CNTNAP4: variants seen among roughly 807,000 people sequenced by gnomAD.
The protein encoded by CNTNAP4 is contactin-associated protein-like 4.
CNTNAP4 carries 98 observed loss-of-function variants against 148.4 expected under a neutral mutation model. The observed-to-expected ratio is 0.66, with a 90% CI of 0.56 to 0.78. The LOEUF (loss-of-function observed/expected upper bound fraction) is 0.78, where lower values mean the gene tolerates loss of function less well. CNTNAP4 is among the 30% of genes least tolerant of loss of function. CNTNAP4 has a pLI of 0.00. For missense variants in CNTNAP4, 1,935 were observed against 1,565.6 expected (o/e 1.24, Z -3.98); for synonymous variants, 730 against 565.1 (o/e 1.29, Z -4.14).
At chr16:76,384,150 T>C (rs938341038) in intron 3 of CNTNAP4, among the ~76,000 whole-genome samples, 3 of 152,026 alleles carry the variant, frequency 2.0e-5, no homozygotes, top group Non-Finnish European at 2.9e-5. Flanking sequence ...TTCAAGTGAT[T>C]CTCCTGCCTC....
In CNTNAP4 at chr16:76,277,585, G is replaced by A. The variant is rs1958523455; in HGVS notation, c.-78G>A. 1 of 929,888 alleles carries A rather than the reference G, an allele frequency of 1.1e-6. No individual in the cohort carries two copies. Among genetic ancestry groups the A allele is most frequent in the Non-Finnish European group, 1.7e-6 (1 of 584,808 alleles). The allele number at this position is 929,888 out of a possible 1,614,324, so 57.6% of individuals were successfully genotyped here. On this transcript the variant is annotated 5_prime_UTR_variant, in exon 1 of 24. Coordinates refer to ENST00000611870, the MANE Select transcript of CNTNAP4 (RefSeq NM_033401.5). ...AGGGGCTGAAGACCCAGACAGAGCT[G>A]GCAGAGCTACTGAGAAGAGGACTGG...
intron 1 of CNTNAP4, among the ~76,000 whole-genome samples, chr16:76,310,859 A>G (rs1961023314): frequency 6.6e-6 from 1 of 152,074 alleles, no homozygotes; most frequent in South Asian, 2.1e-4. Context: ...GTACTGGTTC[A>G]GAATAGAAGA....
intron 15 of CNTNAP4, among the ~76,000 whole-genome samples, chr16:76,513,151 A>T (rs145821312): frequency 8.5e-5 from 13 of 152,288 alleles, no homozygotes; most frequent in African/African-American, 3.1e-4. Context: ...TGCATTGTGG[A>T]CGGTTAATTC....
rs76311865 is a variant in CNTNAP4, at chr16:76,421,984, C to T, written c.391-5468C>T. 9.0e-3 allele frequency among the ~76,000 whole-genome samples: 1,372 copies of T among 152,268 alleles called. 24 individuals carry two copies. Among genetic ancestry groups the T allele is most frequent in the African/African-American group, 0.031 (1,309 of 41,578 alleles). On this transcript the variant is annotated intron_variant, in intron 3 of 23. Transcript: ENST00000611870. The stretch of plus-strand genomic sequence containing the variant: ...TGCCATATGGGCATCTCCCTTTATA[C>T]TTCTTGGCTTTTATACGTGAGTTGC...
At chr16:76,359,283 G>A (rs539597581) in intron 3 of CNTNAP4, among the ~76,000 whole-genome samples, 1 of 152,230 alleles carries the variant, frequency 6.6e-6, no homozygotes, top group East Asian at 1.9e-4. Context: ...TCCACATGAT[G>A]CAAATAAGTC....
At chr16:76,334,313 A>G (rs1370555653) in intron 2 of CNTNAP4, among the ~76,000 whole-genome samples, 1 of 152,122 alleles carries the variant, frequency 6.6e-6, no homozygotes, top group African/African-American at 2.4e-5. Flanking sequence ...AAAAAAAGCC[A>G]AAATGAAACA....
chr16:76,512,717 A>C (rs998318267), intron 15 of CNTNAP4, among the ~76,000 whole-genome samples: 4 of 152,126 alleles, frequency 2.6e-5, no homozygotes, highest in African/African-American at 9.7e-5. Context: ...AAATAACAAC[A>C]GGGCTTTGGG....
Position 76,508,749 on chromosome 16 carries a change from A to G in CNTNAP4, c.2365+10055A>G, listed in dbSNP as rs1451245264. Among the ~76,000 whole-genome samples, 2 of 72,218 alleles carry G rather than the reference A, an allele frequency of 2.8e-5. 1 individual carries two copies. Among genetic ancestry groups the G allele is most frequent in the Non-Finnish European group, 8.2e-5 (2 of 24,464 alleles). The allele number at this position is 72,218 out of a possible 152,430, so 47.4% of individuals were successfully genotyped here. ...TTAATGACTGACTTGATACAAAATCATAACTTTTTTTTTTTTTTTTTGAGA... is the reference window on the plus strand; with the variant it reads ...TTAATGACTGACTTGATACAAAATCGTAACTTTTTTTTTTTTTTTTTGAGA... On this transcript the variant is annotated intron_variant, in intron 15 of 23. Coordinates refer to ENST00000611870, the MANE Select transcript of CNTNAP4 (RefSeq NM_033401.5).
At chr16:76,521,908 T>C (rs934258274) in intron 16 of CNTNAP4, 131 bp from the exon 17 acceptor site, 1 of 823,942 alleles carries the variant, frequency 1.2e-6, no homozygotes, top group Non-Finnish European at 2.0e-6. Context: ...AACAATAGCA[T>C]TGAAACCATC....
At position 76,534,370 on chromosome 16, in the gene CNTNAP4, G is replaced by A. The variant is rs114737231; in HGVS notation, c.2756-1175G>A. On this transcript the variant is annotated intron_variant, in intron 17 of 23. Transcript: ENST00000611870. ...ACGAAGTGAACATGTTTTAGGAAAA[G>A]AGAATTTATATGTAAAGAGTACATA... Among the ~76,000 whole-genome samples the A allele has an allele frequency of 4.0e-3, 609 of 152,284 alleles. 4 individuals are homozygous for A. Among genetic ancestry groups the A allele is most frequent in the African/African-American group, 0.014 (582 of 41,552 alleles).
chr16:76,327,226 C>T (rs918465516), intron 2 of CNTNAP4, among the ~76,000 whole-genome samples: 1 of 152,122 alleles, frequency 6.6e-6, no homozygotes, highest in Non-Finnish European at 1.5e-5. Context: ...TCTTGTATTC[C>T]TCAGTGTCTT....
chr16:76,480,449 A>C (rs1369494649), intron 12 of CNTNAP4, among the ~76,000 whole-genome samples: 1 of 152,228 alleles, frequency 6.6e-6, no homozygotes, highest in Non-Finnish European at 1.5e-5. Context: ...TAATATCCTA[A>C]ATAAATGGAG....
chr16:76,494,252 G>A (rs895313858), intron 13 of CNTNAP4, among the ~76,000 whole-genome samples: 1 of 152,196 alleles, frequency 6.6e-6, no homozygotes, highest in Admixed American at 6.5e-5. Flanking sequence ...GATGCATTTG[G>A]CTGAGGGAAA....
At chr16:76,551,426 A>T (rs551724625) in intron 21 of CNTNAP4, among the ~76,000 whole-genome samples, 3 of 150,706 alleles carry the variant, frequency 2.0e-5, no homozygotes, top group Non-Finnish European at 4.4e-5. Flanking sequence ...TATATATTAG[A>T]GCTCAGATGC....
intron 3 of CNTNAP4, among the ~76,000 whole-genome samples, chr16:76,359,401 C>T (rs1017873968): frequency 7.9e-5 from 12 of 152,074 alleles, no homozygotes; most frequent in South Asian, 4.2e-4. Context: ...ACAATCAACA[C>T]GGATTGAAAT....
chr16:76,278,736 C>T (rs1958577334), intron 1 of CNTNAP4, among the ~76,000 whole-genome samples: 1 of 152,146 alleles, frequency 6.6e-6, no homozygotes, highest in Middle Eastern at 3.2e-3. Flanking sequence ...ATTTATGTTG[C>T]TGCTGTATCA....
At chr16:76,310,328 G>C (rs1256111718) in intron 1 of CNTNAP4, among the ~76,000 whole-genome samples, 2 of 152,054 alleles carry the variant, frequency 1.3e-5, no homozygotes, top group Non-Finnish European at 2.9e-5. Context: ...ATGAAATCTT[G>C]ACTAACAAGT....
At chr16:76,341,547 C>G (rs995132381) in intron 2 of CNTNAP4, among the ~76,000 whole-genome samples, 1 of 151,958 alleles carries the variant, frequency 6.6e-6, no homozygotes, top group Non-Finnish European at 1.5e-5. Context: ...ATTTTCAGTC[C>G]GAATGAATGG....
chr16:76,316,229 G>GT (rs1961724556), intron 1 of CNTNAP4, 184 bp from the exon 2 acceptor site: 1 of 631,514 alleles, frequency 1.6e-6, no homozygotes, highest in South Asian at 1.9e-5. Context: ...CTGTCTTTAA[G>GT]TTTTTTCTTT....
Sources: allele counts gnomAD v4.1 joint callset (sites outside exome capture counted in the v4.1 genomes callset), GRCh38; gene constraint gnomAD v4.1.1; transcripts MANE v1.5; gene names NCBI Gene and HGNC (gene_info 2026-07-23, HGNC 2026-07-21).